Variants in PAFAH1B2 observed in about 807,000 individuals in gnomAD.
PAFAH1B2 encodes platelet activating factor acetylhydrolase 1b catalytic subunit 2.
PAFAH1B2 carries 8 observed loss-of-function variants against 28.0 expected under a neutral mutation model. That is an observed-to-expected ratio of 0.29 (90% CI 0.17 to 0.52). PAFAH1B2 has a LOEUF of 0.52. Ranked by LOEUF, PAFAH1B2 falls within the 20% of genes least tolerant of loss-of-function variation. The pLI, the probability that PAFAH1B2 is intolerant of heterozygous loss-of-function variation, is 0.97. For synonymous variants in PAFAH1B2, 104 were observed against 103.2 expected (o/e 1.01, Z -0.05); for missense variants, 190 against 282.6 (o/e 0.67, Z 2.35).
At chr11:117,155,434 A>C (rs548732292) in intron 2 of PAFAH1B2, among the ~76,000 whole-genome samples, 4 of 152,364 alleles carry the variant, frequency 2.6e-5, no homozygotes, top group African/African-American at 7.2e-5. Context: ...TAAAGGAACT[A>C]ATATATAAGT....
chr11:117,159,887 A>G, intron 2 of PAFAH1B2, 47 bp from the exon 3 acceptor site: 2 of 1,394,256 alleles, frequency 1.4e-6, no homozygotes, highest in Non-Finnish European at 2.0e-6. Flanking sequence ...CACCACACCC[A>G]GCCAGAAGTG....
downstream of PAFAH1B2, chr11:117,175,032 A>C: frequency 1.4e-6 from 2 of 1,385,792 alleles, no homozygotes; most frequent in Non-Finnish European, 1.9e-6. Flanking sequence ...TGGGTCCAGC[A>C]AGCTCCTCAG....
Position 117,167,860 on chromosome 11 carries a change from TAC to T in PAFAH1B2, c.*163_*164del. The T allele has an allele frequency of 8.1e-7, 1 of 1,235,486 alleles. No individual in the cohort carries two copies. Among genetic ancestry groups the T allele is most frequent in the Non-Finnish European group, 1.0e-6 (1 of 983,942 alleles). 76.5% of individuals were successfully genotyped at this position (1,235,486 alleles called of 1,614,324 possible). A position where few individuals can be genotyped will look rare whatever the true frequency, so the allele number is the denominator to read the frequency against. On this transcript the variant is annotated 3_prime_UTR_variant, in exon 6 of 6. Transcript: ENST00000527958. ...GGAGGAGGGATTTAAACTGGTCCTG[TAC>T]ATAGAAGGTTTGTTTGACAGAGGAG...
intron 4 of PAFAH1B2, 78 bp from the exon 5 acceptor site, chr11:117,163,692 A>ATT (rs1591748582): frequency 2.2e-6 from 3 of 1,351,734 alleles, no homozygotes; most frequent in Non-Finnish European, 3.1e-6. Flanking sequence ...AAAAAAAAAG[A>ATT]TTTTCATCTA....
At chr11:117,163,245 C>T (rs973731646) in intron 4 of PAFAH1B2, among the ~76,000 whole-genome samples, 5 of 152,060 alleles carry the variant, frequency 3.3e-5, no homozygotes, top group Non-Finnish European at 2.9e-5. Flanking sequence ...GGATTGAGCC[C>T]AGGAGTTTAA....
intron 2 of PAFAH1B2, among the ~76,000 whole-genome samples, chr11:117,154,476 GGCACCATTACAGCTT>G (rs200404931): frequency 2.2e-4 from 33 of 152,048 alleles, no homozygotes; most frequent in East Asian, 1.2e-3. Context: ...GGAGTGCAGT[GGCACCATTACAGCTT>G]GCACCATTAC....
In PAFAH1B2 at chr11:117,160,036, G is replaced by A. The variant is rs1956339925; in HGVS notation, c.171+13G>A. On this transcript the variant is annotated intron_variant, in intron 3 of 5. Coordinates refer to ENST00000527958, the MANE Select transcript of PAFAH1B2 (RefSeq NM_002572.4). ...GCAGCAATATGAGGTAAAGGTGGAA[G>A]GGATGAGCGTGGTTCTTGGCTACTC... The A allele has an allele frequency of 1.3e-6, 2 of 1,585,872 alleles. No individual in the cohort carries two copies. Among genetic ancestry groups the A allele is most frequent in the Admixed American group, 3.3e-5 (2 of 59,958 alleles).
intron 1 of PAFAH1B2, among the ~76,000 whole-genome samples, chr11:117,146,732 G>T (rs1012474268): frequency 1.3e-5 from 2 of 151,684 alleles, no homozygotes; most frequent in Non-Finnish European, 2.9e-5. Context: ...TGGGTGCTGT[G>T]ACTCATTCCT....
downstream of PAFAH1B2, among the ~76,000 whole-genome samples, chr11:117,171,449 T>C (rs781570708): frequency 1.3e-4 from 19 of 151,958 alleles, no homozygotes; most frequent in Non-Finnish European, 2.2e-4. Context: ...GGTGGGAGAA[T>C]TGCTTGAACC....
downstream of PAFAH1B2, among the ~76,000 whole-genome samples, chr11:117,172,383 TATATATA>T (rs1956682425): frequency 6.1e-4 from 2 of 3,280 alleles, no homozygotes; most frequent in African/African-American, 1.4e-3. Context: ...TATATATATA[TATATATA>T]TATATATATA....
At chr11:117,145,672 C>G (rs907197871) in intron 1 of PAFAH1B2, among the ~76,000 whole-genome samples, 1 of 152,166 alleles carries the variant, frequency 6.6e-6, no homozygotes, top group East Asian at 1.9e-4. Context: ...ACGGAGGCTA[C>G]CGGGCATTCA....
chr11:117,173,985 T>C (rs1481101290), downstream of PAFAH1B2, among the ~76,000 whole-genome samples: 1 of 152,142 alleles, frequency 6.6e-6, no homozygotes, highest in Non-Finnish European at 1.5e-5. Context: ...TTTTGAATCT[T>C]TTTTTTCTGG....
downstream of PAFAH1B2, among the ~76,000 whole-genome samples, chr11:117,177,635 A>C (rs1397640248): frequency 3.3e-5 from 5 of 152,244 alleles, no homozygotes; most frequent in Non-Finnish European, 5.9e-5. Flanking sequence ...GGTAGAGTTA[A>C]GCGATTCTCC....
chr11:117,149,489 C>T (rs1353106942), intron 1 of PAFAH1B2, among the ~76,000 whole-genome samples: 7 of 122,032 alleles, frequency 5.7e-5, no homozygotes, highest in Admixed American at 5.3e-4. Context: ...TGCAGTGGCA[C>T]GATCTCGGCT....
At chr11:117,147,309 G>C (rs542235430) in intron 1 of PAFAH1B2, among the ~76,000 whole-genome samples, 31 of 152,054 alleles carry the variant, frequency 2.0e-4, no homozygotes, top group Non-Finnish European at 3.5e-4. Context: ...TTTGAGACAG[G>C]GTCTTGCTCT....
At chr11:117,162,541 G>T (rs1390206636) in intron 4 of PAFAH1B2, among the ~76,000 whole-genome samples, 1 of 148,368 alleles carries the variant, frequency 6.7e-6, no homozygotes, top group African/African-American at 2.5e-5. Context: ...GAGGCACGCA[G>T]ATCACTTGAG....
Position 117,152,438 on chromosome 11 carries a change from C to G in PAFAH1B2, c.-7-3C>G. ...GAAACATGACATAGACGTTTTTTCTCAGGTGTAGAATGAGCCAAGGAGACT... is the reference window on the plus strand; with the variant it reads ...GAAACATGACATAGACGTTTTTTCTGAGGTGTAGAATGAGCCAAGGAGACT... On this transcript the variant is annotated splice_region_variant and splice_polypyrimidine_tract_variant and intron_variant, in intron 1 of 5. Transcript: ENST00000527958. The G allele has an allele frequency of 6.2e-7, 1 of 1,600,394 alleles. No homozygotes were observed. Among genetic ancestry groups the G allele is most frequent in the Non-Finnish European group, 8.6e-7 (1 of 1,168,540 alleles).
chr11:117,170,064 C>T lies in PAFAH1B2; in HGVS notation c.*2365C>T. On this transcript the variant is annotated 3_prime_UTR_variant, in exon 6 of 6. Transcript: ENST00000527958. ...TTTTAAATAAAATTCTGCCCCATTA[C>T]TGATGTGCAGATATTGAGTTCACTT... 1 of 1,055,824 alleles carries T rather than the reference C, an allele frequency of 9.5e-7. No homozygotes were observed. The highest frequency in any genetic ancestry group is 1.1e-6 in the Non-Finnish European group (1 of 873,432). 65.4% of individuals were successfully genotyped at this position (1,055,824 alleles called of 1,614,324 possible).
chr11:117,156,593 T>C (rs990364554), intron 2 of PAFAH1B2, among the ~76,000 whole-genome samples: 5 of 152,222 alleles, frequency 3.3e-5, no homozygotes, highest in Admixed American at 6.5e-5. Context: ...GGATTATAGA[T>C]GTGTTGTTTT....
Sources: allele counts gnomAD v4.1 joint callset (sites outside exome capture counted in the v4.1 genomes callset), GRCh38; gene constraint gnomAD v4.1.1; transcripts MANE v1.5; gene names NCBI Gene and HGNC (gene_info 2026-07-23, HGNC 2026-07-21).